The following MAPK14 variants were observed in gnomAD, a reference collection of about 807,000 sequenced individuals.
The protein encoded by MAPK14 is CSAID-binding protein.
Under a neutral mutation model 49.6 loss-of-function variants are expected in MAPK14, and 16 were observed. The observed-to-expected ratio is 0.32, with a 90% confidence interval of 0.22 to 0.49. The LOEUF is 0.49. Among genes scored for constraint, MAPK14 ranks in the 20% least tolerant of loss-of-function variants. The pLI, the probability that MAPK14 is intolerant of heterozygous loss-of-function variation, is 0.99. For missense variants in MAPK14, 200 were observed against 441.2 expected (o/e 0.45, Z 4.90); for synonymous variants, 142 against 158.0 (o/e 0.90, Z 0.76).
At chr6:36,076,060 C>T (rs1290516446) in intron 7 of MAPK14, 98 bp downstream of exon 7, 2 of 1,252,206 alleles carry the variant, frequency 1.6e-6, no homozygotes, top group African/African-American at 3.0e-5. Flanking sequence ...GAAGAAATGT[C>T]TTTTCTTCCC....
At chr6:36,035,506 G>T (rs1488850270) in intron 1 of MAPK14, among the ~76,000 whole-genome samples, 1 of 151,880 alleles carries the variant, frequency 6.6e-6, no homozygotes, top group East Asian at 1.9e-4. Context: ...GAATGTTCAA[G>T]TGAAAGGAAT....
At chr6:36,076,857 A>G (rs1268204406) in intron 8 of MAPK14, 1 of 358,280 alleles carries the variant, frequency 2.8e-6, no homozygotes, top group East Asian at 5.0e-5. Context: ...TCTTTTTGCA[A>G]CAGTCCCTTA....
intron 4 of MAPK14, 28 bp downstream of exon 4, chr6:36,073,012 T>A (rs200425765): frequency 7.3e-7 from 1 of 1,377,760 alleles, no homozygotes; most frequent in Non-Finnish European, 1.0e-6. Flanking sequence ...AATAATTTTT[T>A]AAAATGAATT....
At chr6:36,031,984 G>A (rs1255807071) in intron 1 of MAPK14, among the ~76,000 whole-genome samples, 1 of 151,758 alleles carries the variant, frequency 6.6e-6, no homozygotes, top group Non-Finnish European at 1.5e-5. Flanking sequence ...GTCTTACTGT[G>A]TTGCCCAGGT....
intron 1 of MAPK14, among the ~76,000 whole-genome samples, chr6:36,032,428 T>C (rs1320064895): frequency 6.6e-6 from 1 of 152,210 alleles, no homozygotes; most frequent in Non-Finnish European, 1.5e-5. Context: ...AATACATTGT[T>C]GCAAAGCATT....
intron 8 of MAPK14, among the ~76,000 whole-genome samples, chr6:36,081,432 T>C (rs2127451508): frequency 6.6e-6 from 1 of 152,334 alleles, no homozygotes. Context: ...TCTAGCACCA[T>C]AAAGAGACTA....
chr6:36,039,664 T>C lies in MAPK14; in HGVS notation c.116+11391T>C, dbSNP rs531163385. 1.2e-4 allele frequency among the ~76,000 whole-genome samples: 18 copies of C among 152,306 alleles called. No individual in the cohort carries two copies. In the East Asian group the frequency reaches 3.5e-3, roughly 29 times the overall value. ...TATTTCCAGTGCACTATACTAGATA[T>C]TTTGTTTACAGAGATTTTAAAAAAA... On this transcript the variant is annotated intron_variant, in intron 1 of 11. Coordinates refer to ENST00000229794, the MANE Select transcript of MAPK14 (RefSeq NM_139012.3).
intron 1 of MAPK14, among the ~76,000 whole-genome samples, chr6:36,031,742 G>C (rs1762551817): frequency 6.6e-6 from 1 of 152,062 alleles, no homozygotes; most frequent in Admixed American, 6.6e-5. Context: ...TTTGATTTTA[G>C]GGAATAACAG....
chr6:36,028,629 G>A lies in MAPK14; in HGVS notation c.116+356G>A, dbSNP rs186020336. Among the ~76,000 whole-genome samples the A allele has an allele frequency of 5.6e-4, 86 of 152,294 alleles. No homozygotes were observed. Among genetic ancestry groups the A allele is most frequent in the Non-Finnish European group, 5.0e-4 (34 of 68,020 alleles). The stretch of plus-strand genomic sequence containing the variant: ...GGGGTCTCCCTGCCTACCTGGAGCA[G>A]AAGGACCCTCTCCCGTGATGCGCCC... On this transcript the variant is annotated intron_variant, in intron 1 of 11. Transcript: ENST00000229794. This position sits in a 1 kb window ranked among gnomAD's most constrained non-coding sequence, Gnocchi z 5.1.
At chr6:36,120,426 C>T in the MAPK14 span, among the ~76,000 whole-genome samples, 1 of 151,520 alleles carries the variant, frequency 6.6e-6, no homozygotes, top group Non-Finnish European at 1.5e-5. Flanking sequence ...AGCACTTAGT[C>T]TATATTTGTT....
intron 3 of MAPK14, among the ~76,000 whole-genome samples, chr6:36,060,192 G>C (rs1428063315): frequency 2.0e-5 from 3 of 152,150 alleles, no homozygotes; most frequent in Non-Finnish European, 4.4e-5. Context: ...CTAAGAAGCT[G>C]TACGTAATGC....
intron 1 of MAPK14, chr6:36,029,261 T>C (rs1030079545): frequency 5.9e-5 from 9 of 152,182 alleles, no homozygotes; most frequent in Admixed American, 1.3e-4. Flanking sequence ...ATTTATGGCC[T>C]GAGGTACACG....
At chr6:36,044,937 A>G (rs982210856) in intron 1 of MAPK14, among the ~76,000 whole-genome samples, 1 of 152,174 alleles carries the variant, frequency 6.6e-6, no homozygotes, top group African/African-American at 2.4e-5. Flanking sequence ...GTTCAAGACC[A>G]GCCTAGGGAA....
At chr6:36,081,204 G>C (rs909173491) in intron 8 of MAPK14, among the ~76,000 whole-genome samples, 1 of 151,424 alleles carries the variant, frequency 6.6e-6, no homozygotes, top group Non-Finnish European at 1.5e-5. Context: ...TTCTGTCCTT[G>C]CTCATGCTTT....
intron 3 of MAPK14, among the ~76,000 whole-genome samples, chr6:36,066,715 TA>T (rs1764073765): frequency 6.6e-6 from 1 of 151,840 alleles, no homozygotes; most frequent in Non-Finnish European, 1.5e-5. Flanking sequence ...TGTACTTGGA[TA>T]AAAATTGTGC....
downstream of MAPK14, among the ~76,000 whole-genome samples, chr6:36,112,370 C>T (rs772593816): frequency 4.6e-5 from 7 of 152,126 alleles, no homozygotes; most frequent in Admixed American, 2.0e-4. Context: ...CCACTTAAAA[C>T]GGGGACCAAA....
At chr6:36,097,822 T>C (rs1321700529) in intron 9 of MAPK14, 1 of 152,164 alleles carries the variant, frequency 6.6e-6, no homozygotes, top group Non-Finnish European at 1.5e-5. Context: ...TGAGGCACAT[T>C]ATACATTTCA....
intron 1 of MAPK14, among the ~76,000 whole-genome samples, chr6:36,038,961 G>T (rs961443812): frequency 6.6e-6 from 1 of 151,976 alleles, no homozygotes; most frequent in African/African-American, 2.4e-5. Context: ...AGTTTTATTT[G>T]ATTTTATTTG....
intron 8 of MAPK14, 121 bp from the exon 9 acceptor site, chr6:36,095,866 G>T: frequency 1.6e-6 from 1 of 639,962 alleles, no homozygotes; most frequent in Non-Finnish European, 2.7e-6. Flanking sequence ...GTGTTGGCTA[G>T]GTTTGGGGTG....
Sources: gnomAD v4.1 joint callset for allele counts (sites outside exome capture counted in the v4.1 genomes callset) on GRCh38, gnomAD v4.1.1 for gene constraint, Gnocchi (gnomAD v3.1) non-coding constraint, MANE v1.5 for transcripts, NCBI Gene and HGNC (gene_info 2026-07-23, HGNC 2026-07-21) for gene names.